Variants in ADGRL3 observed in about 807,000 individuals in gnomAD.
ADGRL3 encodes adhesion G protein-coupled receptor L3.
A neutral mutation model predicts 153.5 loss-of-function variants in ADGRL3; 62 were observed. That is an observed-to-expected ratio of 0.40 (90% CI 0.33 to 0.50). ADGRL3 has a LOEUF of 0.50. ADGRL3 is among the 20% of genes least tolerant of loss of function. The pLI is 0.47. For synonymous variants in ADGRL3, 710 were observed against 672.5 expected (o/e 1.06, Z -0.86); for missense variants, 1,641 against 1,859.4 (o/e 0.88, Z 2.16).
At chr4:61,644,594 T>C (rs1462628624) in intron 5 of ADGRL3, among the ~76,000 whole-genome samples, 6 of 152,160 alleles carry the variant, frequency 3.9e-5, no homozygotes, top group African/African-American at 1.2e-4. Context: ...AGTTGAGCGG[T>C]TTTGCGTGAG....
chr4:61,517,202 T>C, intron 3 of ADGRL3, 113 bp from the exon 4 acceptor site: 1 of 638,536 alleles, frequency 1.6e-6, no homozygotes, highest in Non-Finnish European at 2.8e-6. Context: ...GCTGGAGTCT[T>C]GGGCCTATAG....
intron 2 of ADGRL3, among the ~76,000 whole-genome samples, chr4:61,434,214 A>T (rs1318062769): frequency 6.6e-6 from 1 of 152,056 alleles, no homozygotes; most frequent in African/African-American, 2.4e-5. Context: ...TTCCTTAAAG[A>T]GTCTCTTCTG....
At chr4:61,250,469 G>C (rs1466342803) in intron 1 of ADGRL3, among the ~76,000 whole-genome samples, 1 of 152,102 alleles carries the variant, frequency 6.6e-6, no homozygotes, top group Non-Finnish European at 1.5e-5. Context: ...TTTATATGTA[G>C]CCTGGATAGT....
intron 2 of ADGRL3, among the ~76,000 whole-genome samples, chr4:61,457,131 A>T (rs191404197): frequency 2.6e-3 from 394 of 151,940 alleles, no homozygotes; most frequent in African/African-American, 8.8e-3. Flanking sequence ...TATGTTTTTT[A>T]AAAAATCAAT....
intron 1 of ADGRL3, among the ~76,000 whole-genome samples, chr4:61,322,780 G>A (rs185204578): frequency 1.5e-4 from 23 of 152,178 alleles, no homozygotes; most frequent in African/African-American, 5.3e-4. Flanking sequence ...TCACAAGCTG[G>A]CATTGAGTGC....
chr4:61,277,965 A>G (rs899137977), intron 1 of ADGRL3, among the ~76,000 whole-genome samples: 2 of 152,302 alleles, frequency 1.3e-5, no homozygotes, highest in South Asian at 4.1e-4. Flanking sequence ...GCCAGCCAAG[A>G]TTTTATACCT....
chr4:61,819,501 C>A (rs1323797909), intron 9 of ADGRL3, among the ~76,000 whole-genome samples: 1 of 152,076 alleles, frequency 6.6e-6, no homozygotes, highest in Admixed American at 6.5e-5. Flanking sequence ...CTTCCTGAAG[C>A]AATTTCACCA....
At chr4:61,238,310 C>G (rs1001046770) in intron 1 of ADGRL3, among the ~76,000 whole-genome samples, 11 of 152,110 alleles carry the variant, frequency 7.2e-5, no homozygotes, top group African/African-American at 2.7e-4. Flanking sequence ...TGAGGATTCA[C>G]TTAAGATACA....
intron 9 of ADGRL3, among the ~76,000 whole-genome samples, chr4:61,877,346 A>G (rs1355326318): frequency 6.6e-6 from 1 of 152,190 alleles, no homozygotes; most frequent in African/African-American, 2.4e-5. Flanking sequence ...CAGTGAAACT[A>G]TAGAGTTGTA....
chr4:61,970,827 C>G (rs2099024334), intron 17 of ADGRL3, among the ~76,000 whole-genome samples: 1 of 152,116 alleles, frequency 6.6e-6, no homozygotes, highest in African/African-American at 2.4e-5. Flanking sequence ...CTAATTTCTT[C>G]AGACCATTAA....
chr4:61,395,180 A>G (rs1408844764), intron 2 of ADGRL3, among the ~76,000 whole-genome samples: 1 of 152,108 alleles, frequency 6.6e-6, no homozygotes, highest in Admixed American at 6.5e-5. Context: ...GGTTGAAAAT[A>G]TAAGTGTGGT....
chr4:61,432,646 CTT>C lies in ADGRL3; in HGVS notation c.-174+49459_-174+49460del, dbSNP rs532869973. On this transcript the variant is annotated intron_variant, in intron 2 of 26. Coordinates refer to ENST00000683033, the MANE Select transcript of ADGRL3 (RefSeq NM_001387552.1). ...TCTTTCTTTCTTTCTTTCTTTCTTT[CTT>C]TCTTTCTTTTTTTTTTTTTTTTGAG... Among the ~76,000 whole-genome samples, 68 of 10,630 alleles carry C rather than the reference CTT, an allele frequency of 6.4e-3. 9 individuals carry two copies. The highest frequency in any genetic ancestry group is 0.011 in the Non-Finnish European group (45 of 4,056). The allele number at this position is 10,630 out of a possible 152,430, so 7.0% of individuals were successfully genotyped here.
At chr4:61,882,609 G>A (rs1436976809) in intron 9 of ADGRL3, among the ~76,000 whole-genome samples, 1 of 152,038 alleles carries the variant, frequency 6.6e-6, no homozygotes, top group African/African-American at 2.4e-5. Flanking sequence ...ATATGCTGTA[G>A]CCCCCATCAC....
intron 9 of ADGRL3, among the ~76,000 whole-genome samples, chr4:61,836,299 A>G (rs948142517): frequency 2.6e-5 from 4 of 152,290 alleles, no homozygotes; most frequent in African/African-American, 7.2e-5. Context: ...TTTCTCTTAA[A>G]CTTTGTAAAT....
intron 1 of ADGRL3, among the ~76,000 whole-genome samples, chr4:61,203,919 T>TTA (rs971100808): frequency 1.3e-5 from 2 of 151,714 alleles, no homozygotes; most frequent in Non-Finnish European, 2.9e-5. Flanking sequence ...CCCAATCTTT[T>TTA]TTTTTTTGTA....
intron 2 of ADGRL3, among the ~76,000 whole-genome samples, chr4:61,479,840 A>C (rs2152728780): frequency 6.6e-6 from 1 of 152,266 alleles, no homozygotes; most frequent in African/African-American, 2.4e-5. Flanking sequence ...TAAGAATACA[A>C]AATTATCAAT....
At chr4:61,439,312 ATATT>A (rs1198997427) in intron 2 of ADGRL3, among the ~76,000 whole-genome samples, 1 of 152,134 alleles carries the variant, frequency 6.6e-6, no homozygotes, top group Non-Finnish European at 1.5e-5. Flanking sequence ...TTGAAAGACA[ATATT>A]TGAGAAGAGC....
intron 13 of ADGRL3, among the ~76,000 whole-genome samples, chr4:61,923,909 G>A (rs1408056421): frequency 6.6e-6 from 1 of 152,056 alleles, no homozygotes; most frequent in Admixed American, 6.5e-5. Context: ...ACATTAAGTG[G>A]TCTCCAAATA....
chr4:61,667,654 A>T (rs2094846452), intron 5 of ADGRL3, among the ~76,000 whole-genome samples: 1 of 152,200 alleles, frequency 6.6e-6, no homozygotes, highest in African/African-American at 2.4e-5. Flanking sequence ...ATGCTTTAAA[A>T]GTTTACCTTT....
Sources: gnomAD v4.1 joint callset for allele counts (sites outside exome capture counted in the v4.1 genomes callset) on GRCh38, gnomAD v4.1.1 for gene constraint, MANE v1.5 for transcripts, NCBI Gene and HGNC (gene_info 2026-07-23, HGNC 2026-07-21) for gene names.